Variants in MYCBP2 observed in about 807,000 individuals in gnomAD.
MYCBP2 encodes E3 ubiquitin-protein ligase MYCBP2.
In MYCBP2, 120 loss-of-function variants were observed where a neutral mutation model predicts 525.3. The ratio of observed to expected loss-of-function variants is 0.23; its 90% confidence interval spans 0.20 to 0.27. The LOEUF is 0.27. MYCBP2 is among the 10% of genes least tolerant of loss of function. The pLI, the probability that MYCBP2 is intolerant of heterozygous loss-of-function variation, is 1.00. For synonymous variants in MYCBP2, 1,894 were observed against 1,955.8 expected, an observed-to-expected ratio of 0.97 and a Z score of 0.83; for missense variants, 4,149 against 5,657.1, an observed-to-expected ratio of 0.73 and a Z score of 8.55.
At position 77,081,713 on chromosome 13, in the gene MYCBP2, C is replaced by G; in HGVS notation, c.11194-62G>C. ...AAGCAAATCTTTCGTGATGATAAAA[C>G]AAACAGGTATAAGATAAAACATAAT... On this transcript the variant is annotated intron_variant, in intron 64 of 82. Transcript: ENST00000544440. This position sits in a 1 kb window ranked among gnomAD's most constrained non-coding sequence, Gnocchi z 4.6. The G allele has an allele frequency of 6.5e-7, 1 of 1,536,832 alleles. No individual in the cohort carries two copies. Among genetic ancestry groups the G allele is most frequent in the Non-Finnish European group, 8.8e-7 (1 of 1,137,904 alleles).
At chr13:77,181,472 C>T (rs1486205069) in intron 33 of MYCBP2, among the ~76,000 whole-genome samples, 1 of 151,750 alleles carries the variant, frequency 6.6e-6, no homozygotes, top group East Asian at 1.9e-4. Flanking sequence ...TGTGATTAAA[C>T]CGTTAGAGCA....
intron 52 of MYCBP2, among the ~76,000 whole-genome samples, 195 bp downstream of exon 52, chr13:77,139,001 A>C (rs1418171609): frequency 6.6e-6 from 1 of 152,206 alleles, no homozygotes; most frequent in Non-Finnish European, 1.5e-5. Flanking sequence ...GTGATGGATC[A>C]TAATCTGCAC....
In MYCBP2 at chr13:77,287,234, G is replaced by A. The variant is rs544987710; in HGVS notation, c.594+927C>T. Among the ~76,000 whole-genome samples, 180 of 147,138 alleles carry A rather than the reference G, an allele frequency of 1.2e-3. 1 individual carries two copies. The highest frequency in any genetic ancestry group is 2.2e-3 in the Non-Finnish European group (149 of 67,232). On this transcript the variant is annotated intron_variant, in intron 3 of 82. Transcript: ENST00000544440. ...ACAGTCTCACTCTGTCACCCAGGCC[G>A]GAGTGCAATGGCATGATCTCGGCTC...
At chr13:77,076,380 A>T (rs2042297628) in intron 68 of MYCBP2, among the ~76,000 whole-genome samples, 1 of 152,220 alleles carries the variant, frequency 6.6e-6, no homozygotes, top group South Asian at 2.1e-4. Context: ...GGGAAATCAT[A>T]AACAAATTTC....
In MYCBP2 at chr13:77,081,596, G is replaced by C; in HGVS notation, c.11249C>G (p.Thr3750Ser). The change falls in exon 65 of 83, where the codon ACT (threonine) becomes AGT (serine). Residue 3750 changes from threonine (T) to serine (S), a missense_variant. Physicochemically the swap from Thr to Ser is moderately conservative, Grantham distance 58. This residue lies in a region of MYCBP2 where 509 missense variants were observed against 789.4 expected (regional missense o/e 0.64). Transcript: ENST00000544440. The surrounding 1 kb of genome is among the most constrained non-coding windows in gnomAD (Gnocchi z 4.6). Reference protein sequence around the residue: ...KDLTSIVDIKTSSRPAMIGSL... With the variant: ...KDLTSIVDIKSSSRPAMIGSL... ...GCCAATCATGGCAGGTCGGCTTGAA[G>C]TTTTTATGTCAACAATGCTGGTTAA... is the stretch of plus-strand genomic sequence containing the variant. 1 of 1,613,782 alleles carries C rather than the reference G, an allele frequency of 6.2e-7. No individual in the cohort carries two copies. The highest frequency in any genetic ancestry group is 8.5e-7 in the Non-Finnish European group (1 of 1,179,892).
At chr13:77,073,295 G>A (rs1013263945) in intron 68 of MYCBP2, among the ~76,000 whole-genome samples, 3 of 152,034 alleles carry the variant, frequency 2.0e-5, no homozygotes, top group African/African-American at 7.2e-5. Context: ...CTGTGCTCTT[G>A]TCTGGGTGAC....
At chr13:77,096,191 TA>T in intron 57 of MYCBP2, 120 bp downstream of exon 57, 1 of 1,038,386 alleles carries the variant, frequency 9.6e-7, no homozygotes, top group Non-Finnish European at 1.3e-6. Flanking sequence ...ATTTCCATTA[TA>T]AAAGCTGATC....
chr13:77,276,327 C>T (rs1477884635), intron 4 of MYCBP2, among the ~76,000 whole-genome samples: 1 of 151,328 alleles, frequency 6.6e-6, no homozygotes, highest in Non-Finnish European at 1.5e-5. Context: ...TCATGAATAA[C>T]ACGAAAACAA....
chr13:77,242,705 A>T (rs984407766), intron 17 of MYCBP2, among the ~76,000 whole-genome samples: 1 of 152,244 alleles, frequency 6.6e-6, no homozygotes, highest in African/African-American at 2.4e-5. Flanking sequence ...AGATGAGTCC[A>T]AAGTCCGGGT....
rs1384581988 is a variant in MYCBP2, at chr13:77,166,543, T to C, written c.6126A>G (p.Pro2042=). ...ACVMHYKVTF[P]ECVRWMTIEF... Reference sequence around the variant, plus strand: ...CGATTGTCATCCACCTCACACATTCTGGGAATGTCACCTGAGGTCAACAGG... The same window carrying C: ...CGATTGTCATCCACCTCACACATTCCGGGAATGTCACCTGAGGTCAACAGG... The change falls in exon 41 of 83, where the codon CCA becomes CCG. Residue 2042 remains proline, a synonymous_variant. Transcript: ENST00000544440. 1 of 1,610,890 alleles carries C rather than the reference T, an allele frequency of 6.2e-7. No homozygotes were observed. The highest frequency in any genetic ancestry group is 2.2e-5 in the East Asian group (1 of 44,856).
rs369018459 is a variant in MYCBP2 at position 77,056,761 on chromosome 13, T to C, written c.13437+225A>G. Among the ~76,000 whole-genome samples the C allele has an allele frequency of 1.2e-4, 18 of 152,336 alleles. No homozygotes were observed. The South Asian group carries it at 3.7e-3, about 32-fold the overall frequency. On this transcript the variant is annotated intron_variant, in intron 79 of 82. Transcript: ENST00000544440. The stretch of plus-strand genomic sequence containing the variant: ...CACGATGTTTAAATGAACTTTCTCA[T>C]GTAATATGTTTAACAGAATGTAATC...
intron 33 of MYCBP2, among the ~76,000 whole-genome samples, chr13:77,181,289 C>T (rs1371342655): frequency 1.3e-5 from 2 of 151,946 alleles, no homozygotes; most frequent in African/African-American, 4.8e-5. Context: ...TTTTAATATA[C>T]CAAAGTGTTA....
chr13:77,125,524 C>T (rs1271965743), intron 53 of MYCBP2, 56 bp from the exon 54 acceptor site: 2 of 1,594,436 alleles, frequency 1.3e-6, no homozygotes, highest in East Asian at 4.5e-5. Flanking sequence ...GGAACTCAGT[C>T]TGAAAACCAG....
At chr13:77,208,448 C>T (rs990168448) in intron 23 of MYCBP2, among the ~76,000 whole-genome samples, 3 of 151,962 alleles carry the variant, frequency 2.0e-5, no homozygotes, top group Non-Finnish European at 4.4e-5. Flanking sequence ...TAGGTAGTAT[C>T]GTAATATTAA....
At chr13:77,141,560 C>T (rs947160326) in intron 49 of MYCBP2, among the ~76,000 whole-genome samples, 4 of 152,022 alleles carry the variant, frequency 2.6e-5, no homozygotes, top group African/African-American at 9.7e-5. Context: ...CACCTGAGGT[C>T]GGGAGTTCAA....
At chr13:77,071,408 G>C (rs1017216529) in intron 68 of MYCBP2, among the ~76,000 whole-genome samples, 1 of 151,910 alleles carries the variant, frequency 6.6e-6, no homozygotes, top group Non-Finnish European at 1.5e-5. Context: ...TTTTGTTTAA[G>C]AATCAAAAAT....
intron 75 of MYCBP2, 130 bp downstream of exon 75, chr13:77,061,532 C>T: frequency 9.2e-7 from 1 of 1,083,028 alleles, no homozygotes; most frequent in Non-Finnish European, 1.3e-6. Context: ...GTAAGCGAGA[C>T]AGCTGTGAAC....
In MYCBP2 at chr13:77,217,844, A is replaced by C; in HGVS notation, c.3053T>G (p.Phe1018Cys). The change falls in exon 21 of 83, where the codon TTT becomes TGT. Residue 1018 changes from phenylalanine to cysteine, a missense_variant. Transcript: ENST00000544440. ...MDGQVFTFGS[F>C]SKGQLGRPIL... Reference sequence around the variant, plus strand: ...AATGTTTTAAAAATTCCTTACAGAAAAACTTCCAAATGTGAAGACCTGTCC... The same window carrying C: ...AATGTTTTAAAAATTCCTTACAGAACAACTTCCAAATGTGAAGACCTGTCC... The C allele has an allele frequency of 6.3e-7, 1 of 1,595,868 alleles. No individual in the cohort carries two copies. The highest frequency in any genetic ancestry group is 8.5e-7 in the Non-Finnish European group (1 of 1,171,604).
chr13:77,161,285 C>A lies in MYCBP2; in HGVS notation c.6597+621G>T, dbSNP rs1162745281. On this transcript the variant is annotated intron_variant, in intron 44 of 82. Coordinates refer to ENST00000544440, the MANE Select transcript of MYCBP2 (RefSeq NM_015057.5). ...GCAATTTTGAGAAATATTAGGTTGA[C>A]GTAACAGATCCAAAGGGGGTATTGC... Among the ~76,000 whole-genome samples the A allele has an allele frequency of 1.3e-5, 2 of 152,110 alleles. 1 individual carries two copies. The highest frequency in any genetic ancestry group is 6.3e-3 in the Middle Eastern group (2 of 316).
Sources: allele counts gnomAD v4.1 joint callset (sites outside exome capture counted in the v4.1 genomes callset), GRCh38; gene constraint gnomAD v4.1.1; regional missense constraint gnomAD v4.1.1; non-coding constraint Gnocchi (gnomAD v3.1); transcripts MANE v1.5; gene names NCBI Gene and HGNC (gene_info 2026-07-23, HGNC 2026-07-21).